The following FBXL17 variants were observed in gnomAD, a reference collection of about 807,000 sequenced individuals.
FBXL17 encodes the protein F-box and leucine rich repeat protein 17.
In FBXL17, 22 loss-of-function variants were observed where a neutral mutation model predicts 66.2. The ratio of observed to expected loss-of-function variants is 0.33; its 90% confidence interval spans 0.24 to 0.47. The LOEUF is 0.47. FBXL17 is among the 20% of genes least tolerant of loss of function. FBXL17 has a pLI of 1.00. For missense variants in FBXL17, 878 were observed against 948.2 expected (o/e 0.93, Z 0.97); for synonymous variants, 474 against 400.5 (o/e 1.18, Z -2.19).
At chr5:107,970,206 T>C (rs1752314936) in intron 7 of FBXL17, among the ~76,000 whole-genome samples, 1 of 152,086 alleles carries the variant, frequency 6.6e-6, no homozygotes, top group Admixed American at 6.6e-5. Flanking sequence ...ACTCTAGGGC[T>C]CAGCATGAAC....
chr5:108,333,571 G>T (rs1472821549), intron 4 of FBXL17, among the ~76,000 whole-genome samples: 1 of 152,062 alleles, frequency 6.6e-6, no homozygotes, highest in African/African-American at 2.4e-5. Flanking sequence ...CTGAAATCTA[G>T]TAGTGGTCAA....
At chr5:108,253,368 TATTATTTTTA>T (rs1201911148) in intron 4 of FBXL17, among the ~76,000 whole-genome samples, 1 of 152,170 alleles carries the variant, frequency 6.6e-6, no homozygotes, top group Non-Finnish European at 1.5e-5. Flanking sequence ...CTGCTAAATG[TATTATTTTTA>T]AATCTTTTCT....
chr5:107,867,043 A>AT lies in FBXL17; in HGVS notation c.1966-5184dup, dbSNP rs1748295826. ...TGTTCAATGAATATTTATTGAGTACATTAAAAAAAGCACCAAATAGTACTG... is the reference window on the plus strand; with the variant it reads ...TGTTCAATGAATATTTATTGAGTACATTTAAAAAAAGCACCAAATAGTACTG... On this transcript the variant is annotated intron_variant, in intron 8 of 8. Coordinates refer to ENST00000542267, the MANE Select transcript of FBXL17 (RefSeq NM_001163315.3). Among the ~76,000 whole-genome samples, 6 of 152,306 alleles carry AT rather than the reference A, an allele frequency of 3.9e-5. No individual in the cohort carries two copies. The South Asian group carries it at 1.2e-3, about 32-fold the overall frequency.
At chr5:108,364,324 A>T (rs1289077624) in intron 3 of FBXL17, among the ~76,000 whole-genome samples, 2 of 152,016 alleles carry the variant, frequency 1.3e-5, no homozygotes, top group Admixed American at 1.3e-4. Flanking sequence ...AACTTTTATA[A>T]TCTTCAATTT....
chr5:108,152,854 A>C (rs1008014439), intron 6 of FBXL17, among the ~76,000 whole-genome samples: 50 of 152,350 alleles, frequency 3.3e-4, no homozygotes, highest in African/African-American at 1.2e-3. Flanking sequence ...TTCAGATTTA[A>C]CTGGGCATCT....
At chr5:108,184,747 CAAA>C (rs34512714) in intron 6 of FBXL17, among the ~76,000 whole-genome samples, 2 of 82,610 alleles carry the variant, frequency 2.4e-5, no homozygotes. Context: ...GACTCGGTCT[CAAA>C]AAAAAAAAAA....
chr5:108,219,732 T>C (rs1388446803), intron 5 of FBXL17, among the ~76,000 whole-genome samples: 1 of 152,004 alleles, frequency 6.6e-6, no homozygotes, highest in Non-Finnish European at 1.5e-5. Context: ...AACCTTGTTA[T>C]CCTTTTAATG....
chr5:107,975,570 T>G (rs539751801), intron 7 of FBXL17, among the ~76,000 whole-genome samples: 2 of 152,242 alleles, frequency 1.3e-5, no homozygotes, highest in African/African-American at 4.8e-5. Flanking sequence ...TAAAATGTGT[T>G]TTGGCACACT....
At position 108,096,454 on chromosome 5, in the gene FBXL17, A is replaced by G. The variant is rs186494655; in HGVS notation, c.1746-75453T>C. On this transcript the variant is annotated intron_variant, in intron 6 of 8. Coordinates refer to ENST00000542267, the MANE Select transcript of FBXL17 (RefSeq NM_001163315.3). ...TACCAAACGTATGGAAGATGCCCCA[A>G]AAGACCACTGGAAAATGTGCTTAGT... Among the ~76,000 whole-genome samples, 209 of 152,302 alleles carry G rather than the reference A, an allele frequency of 1.4e-3. 1 individual carries two copies. The highest frequency in any genetic ancestry group is 3.3e-3 in the South Asian group (16 of 4,828).
At chr5:108,347,782 A>G (rs1747376496) in intron 4 of FBXL17, among the ~76,000 whole-genome samples, 1 of 152,184 alleles carries the variant, frequency 6.6e-6, no homozygotes, top group African/African-American at 2.4e-5. Flanking sequence ...TGGTAAATAT[A>G]CTAAAAACCG....
intron 6 of FBXL17, among the ~76,000 whole-genome samples, chr5:108,146,627 T>C (rs1017966331): frequency 6.6e-6 from 1 of 152,212 alleles, no homozygotes; most frequent in Admixed American, 6.5e-5. Flanking sequence ...ACTAAAGCTA[T>C]ATAACTTATG....
Position 108,101,457 on chromosome 5 carries a change from C to T in FBXL17, c.1746-80456G>A, listed in dbSNP as rs538715009. 2.6e-5 allele frequency among the ~76,000 whole-genome samples: 4 copies of T among 152,244 alleles called. No individual in the cohort carries two copies. The South Asian group carries it at 8.3e-4, about 32-fold the overall frequency. On this transcript the variant is annotated intron_variant, in intron 6 of 8. Coordinates refer to ENST00000542267, the MANE Select transcript of FBXL17 (RefSeq NM_001163315.3). ...CATTCAGTATAAACTTAGTGCTGGG[C>T]CCAATCAAAGGAGGTCAAGGAAAAC...
intron 3 of FBXL17, among the ~76,000 whole-genome samples, chr5:108,350,483 T>A (rs1747574206): frequency 6.6e-6 from 1 of 152,112 alleles, no homozygotes; most frequent in Non-Finnish European, 1.5e-5. Flanking sequence ...GATATCAACT[T>A]CCAGACTGAA....
At chr5:107,889,393 G>T (rs1749117223) in intron 7 of FBXL17, among the ~76,000 whole-genome samples, 1 of 152,106 alleles carries the variant, frequency 6.6e-6, no homozygotes. Flanking sequence ...TAGAAACTCT[G>T]AATCCCTGAA....
At chr5:108,181,212 C>T (rs950123741) in intron 6 of FBXL17, among the ~76,000 whole-genome samples, 12 of 152,092 alleles carry the variant, frequency 7.9e-5, no homozygotes, top group Admixed American at 5.9e-4. Flanking sequence ...ATAATAAAGA[C>T]TGATATAAAT....
chr5:108,189,803 T>C (rs1753393996), intron 5 of FBXL17, among the ~76,000 whole-genome samples: 1 of 152,180 alleles, frequency 6.6e-6, no homozygotes, highest in Non-Finnish European at 1.5e-5. Context: ...TAAGCAACTG[T>C]GCTGTGAAAA....
chr5:108,258,253 C>T (rs1371986816), intron 4 of FBXL17, among the ~76,000 whole-genome samples: 5 of 152,086 alleles, frequency 3.3e-5, no homozygotes, highest in African/African-American at 1.2e-4. Flanking sequence ...CATCTGAAAG[C>T]CAGAAGAGTG....
chr5:108,248,914 C>A (rs1235684504), intron 4 of FBXL17, among the ~76,000 whole-genome samples: 3 of 151,906 alleles, frequency 2.0e-5, no homozygotes. Flanking sequence ...TCCAAGCAGA[C>A]CTACCCTAAA....
chr5:108,335,577 T>A (rs941976234), intron 4 of FBXL17, among the ~76,000 whole-genome samples: 5 of 152,062 alleles, frequency 3.3e-5, no homozygotes, highest in South Asian at 2.1e-4. Flanking sequence ...GAGAAAGGTA[T>A]GCCTTAACAG....
Sources: allele counts gnomAD v4.1 joint callset (sites outside exome capture counted in the v4.1 genomes callset), GRCh38; gene constraint gnomAD v4.1.1; transcripts MANE v1.5; gene names NCBI Gene and HGNC (gene_info 2026-07-23, HGNC 2026-07-21).